RASAL2: variants seen among roughly 807,000 people sequenced by gnomAD.
The protein encoded by RASAL2 is RAS protein activator like 2.
In RASAL2, 58 loss-of-function variants were observed where a neutral mutation model predicts 128.9. The ratio of observed to expected loss-of-function variants is 0.45; its 90% CI spans 0.36 to 0.56. RASAL2 has a LOEUF of 0.56. RASAL2 is among the 20% of genes least tolerant of loss of function. The probability of loss-of-function intolerance (pLI) is 0.00; values close to 1 mark genes in which losing one functional copy is unlikely to be tolerated. For synonymous variants in RASAL2, 561 were observed against 580.8 expected, an observed-to-expected ratio of 0.97 and a Z score of 0.49; for missense variants, 1,360 against 1,601.6, an observed-to-expected ratio of 0.85 and a Z score of 2.57.
intron 3 of RASAL2, among the ~76,000 whole-genome samples, chr1:178,363,373 T>C (rs941626927): frequency 2.0e-5 from 3 of 152,196 alleles, no homozygotes; most frequent in African/African-American, 7.2e-5. Context: ...TTTTTGGCAT[T>C]GCATCGTTAT....
Position 178,237,054 on chromosome 1 carries a change from G to A in RASAL2, c.203-46510G>A, listed in dbSNP as rs147326069. On this transcript the variant is annotated intron_variant, in intron 1 of 17. Coordinates refer to ENST00000367649, the MANE Select transcript of RASAL2 (RefSeq NM_170692.4). The stretch of plus-strand genomic sequence containing the variant: ...GCTGGAATTACAGGTGTGAGCCAGC[G>A]CGCCCAGCCTCCCTGAGTACTTTAA... Among the ~76,000 whole-genome samples the A allele has an allele frequency of 7.0e-3, 1,072 of 152,136 alleles. 13 individuals carry two copies. The highest frequency in any genetic ancestry group is 0.024 in the African/African-American group (1,014 of 41,526).
intron 9 of RASAL2, among the ~76,000 whole-genome samples, chr1:178,447,668 T>C: frequency 1.8e-5 from 2 of 113,020 alleles, no homozygotes; most frequent in South Asian, 5.8e-4. Flanking sequence ...CAAAACTCCT[T>C]CTCTTAAAAA....
Position 178,458,404 on chromosome 1 carries a change from A to G in RASAL2, c.3112A>G (p.Thr1038Ala), listed in dbSNP as rs1280681127. The G allele has an allele frequency of 6.2e-7, 1 of 1,614,138 alleles. No homozygotes were observed. Among genetic ancestry groups the G allele is most frequent in the Admixed American group, 1.7e-5 (1 of 60,018 alleles). ...GCCACACAGTGCTTCTTTACGTAGC[A>G]CCGGGAGCATGTCAGTGGTGTCCGC... is the stretch of plus-strand genomic sequence containing the variant. ...SLPHSASLRS[T>A]GSMSVVSAAL... Residue 1038 changes from threonine to alanine, a missense_variant, in exon 14 of 18, where the codon ACC (threonine) becomes GCC (alanine). Physicochemically the swap from Thr to Ala is moderately conservative, Grantham distance 58. This residue lies in a region of RASAL2 where 741 missense variants were observed against 868.6 expected (regional missense o/e 0.85). Coordinates refer to ENST00000367649, the MANE Select transcript of RASAL2 (RefSeq NM_170692.4).
intron 1 of RASAL2, among the ~76,000 whole-genome samples, chr1:178,133,237 T>G (rs1660186745): frequency 6.6e-6 from 1 of 152,248 alleles, no homozygotes; most frequent in South Asian, 2.1e-4. Flanking sequence ...TAAACTTGTC[T>G]GAGGCATTAG....
chr1:178,220,372 T>C (rs1454003455), intron 1 of RASAL2, among the ~76,000 whole-genome samples: 1 of 151,834 alleles, frequency 6.6e-6, no homozygotes, highest in African/African-American at 2.4e-5. Context: ...CACATAAGGG[T>C]TTATTGGTTA....
intron 1 of RASAL2, among the ~76,000 whole-genome samples, chr1:178,176,314 G>C (rs536893046): frequency 6.6e-6 from 1 of 151,952 alleles, no homozygotes; most frequent in Non-Finnish European, 1.5e-5. Flanking sequence ...GCATTTCCCT[G>C]ATGTTGAGCA....
rs367975438 is a variant in RASAL2 at position 178,471,268 on chromosome 1, G to A, written c.3679-1807G>A. 9.9e-5 allele frequency among the ~76,000 whole-genome samples: 15 copies of A among 152,168 alleles called. No homozygotes were observed. In the South Asian group the frequency reaches 2.1e-3, roughly 21 times the overall value. ...GTTTAGAGATCATTCCTAATAATGC[G>A]AGTAGGGAGGGGGGAATATCATACT... On this transcript the variant is annotated intron_variant, in intron 17 of 17. Transcript: ENST00000367649.
chr1:178,458,319 C>T lies in RASAL2; in HGVS notation c.3027C>T (p.Ala1009=). The T allele has an allele frequency of 6.2e-7, 1 of 1,614,224 alleles. No individual in the cohort carries two copies. Among genetic ancestry groups the T allele is most frequent in the Non-Finnish European group, 8.5e-7 (1 of 1,180,042 alleles). The change falls in exon 14 of 18, where the codon GCC becomes GCT. Residue 1009 remains alanine (A), a synonymous_variant. Transcript: ENST00000367649. ...ALPRQNSTGQ[A]QIRKVDQGGL... ...CACGACAAAATAGTACTGGGCAGGC[C>T]CAGATCCGAAAAGTGGACCAGGGTG...
chr1:178,348,855 A>G (rs1313089456), intron 3 of RASAL2, among the ~76,000 whole-genome samples: 1 of 148,452 alleles, frequency 6.7e-6, no homozygotes. Flanking sequence ...GCTGGAGTGC[A>G]GTGGCGCGAT....
intron 1 of RASAL2, among the ~76,000 whole-genome samples, chr1:178,186,487 G>C (rs543581151): frequency 5.3e-5 from 8 of 152,112 alleles, no homozygotes; most frequent in African/African-American, 1.7e-4. Context: ...CTTCATTTTT[G>C]AAGGGTATGG....
intron 1 of RASAL2, among the ~76,000 whole-genome samples, chr1:178,199,229 A>G (rs1662780568): frequency 6.6e-6 from 1 of 152,226 alleles, no homozygotes; most frequent in Non-Finnish European, 1.5e-5. Context: ...TTGGCTAGGA[A>G]AGGGAAATCC....
At chr1:178,297,660 A>T (rs1235690563) in intron 2 of RASAL2, among the ~76,000 whole-genome samples, 2 of 151,668 alleles carry the variant, frequency 1.3e-5, no homozygotes, top group Non-Finnish European at 2.9e-5. Context: ...TAAAGGTTAT[A>T]TTATGTTCTT....
intron 3 of RASAL2, 33 bp downstream of exon 3, chr1:178,300,151 G>C (rs955028722): frequency 6.3e-7 from 1 of 1,579,088 alleles, no homozygotes; most frequent in African/African-American, 1.4e-5. Context: ...TAAATTCCTA[G>C]CTTTTATCCC....
intron 1 of RASAL2, among the ~76,000 whole-genome samples, chr1:178,129,216 G>A (rs1416573929): frequency 6.6e-6 from 1 of 151,820 alleles, no homozygotes; most frequent in East Asian, 1.9e-4. Context: ...ATTGTATAAG[G>A]GCTCTGATTT....
chr1:178,439,768 AGATAG>A (rs1676500718), intron 6 of RASAL2, among the ~76,000 whole-genome samples, 193 bp downstream of exon 6: 1 of 152,168 alleles, frequency 6.6e-6, no homozygotes, highest in Non-Finnish European at 1.5e-5. Flanking sequence ...AAGTTATTAA[AGATAG>A]CTTTGCATTC....
intron 1 of RASAL2, among the ~76,000 whole-genome samples, chr1:178,178,544 T>G (rs1307496418): frequency 6.6e-6 from 1 of 152,202 alleles, no homozygotes; most frequent in Non-Finnish European, 1.5e-5. Context: ...TCTGAAACCT[T>G]AAAGAATTGT....
intron 1 of RASAL2, among the ~76,000 whole-genome samples, chr1:178,133,052 A>T (rs1320408907): frequency 6.6e-6 from 1 of 152,228 alleles, no homozygotes; most frequent in African/African-American, 2.4e-5. Flanking sequence ...GGCGTGAGCC[A>T]CTGTGCCCGG....
chr1:178,251,901 T>G (rs1266143456), intron 1 of RASAL2, among the ~76,000 whole-genome samples: 2 of 152,232 alleles, frequency 1.3e-5, no homozygotes, highest in Non-Finnish European at 2.9e-5. Context: ...TTTAACTATT[T>G]TAAATTAGCT....
At chr1:178,458,706 A>G (rs910185936) in intron 14 of RASAL2, among the ~76,000 whole-genome samples, 162 bp downstream of exon 14, 2 of 152,202 alleles carry the variant, frequency 1.3e-5, no homozygotes, top group East Asian at 1.9e-4. Flanking sequence ...GCTTCTGCCC[A>G]GGTGTGACTA....
Sources: gnomAD v4.1 joint callset for allele counts (sites outside exome capture counted in the v4.1 genomes callset) on GRCh38, gnomAD v4.1.1 for gene constraint, gnomAD v4.1.1 regional missense constraint, MANE v1.5 for transcripts, NCBI Gene and HGNC (gene_info 2026-07-23, HGNC 2026-07-21) for gene names.